ZFPM2: variants seen among roughly 807,000 people sequenced by gnomAD.
ZFPM2 encodes zinc finger protein ZFPM2.
A neutral mutation model predicts 98.6 loss-of-function variants in ZFPM2; 20 were observed. The ratio of observed to expected loss-of-function variants is 0.20; its 90% CI spans 0.14 to 0.29. The LOEUF is 0.29. ZFPM2 is among the 10% of genes least tolerant of loss of function. ZFPM2 has a pLI of 1.00. For missense variants in ZFPM2, 1,310 were observed against 1,388.6 expected, an observed-to-expected ratio of 0.94 and a Z score of 0.90; for synonymous variants, 518 against 502.7, an observed-to-expected ratio of 1.03 and a Z score of -0.41.
chr8:105,429,092 G>A (rs1586365525), intron 2 of ZFPM2, among the ~76,000 whole-genome samples: 1 of 152,090 alleles, frequency 6.6e-6, no homozygotes, highest in East Asian at 1.9e-4. Flanking sequence ...TATCAAGCTG[G>A]AAATCTATCA....
intron 5 of ZFPM2, among the ~76,000 whole-genome samples, chr8:105,651,856 A>T (rs890248012): frequency 6.6e-6 from 1 of 152,210 alleles, no homozygotes; most frequent in Admixed American, 6.5e-5. Flanking sequence ...TGTGGAAATC[A>T]TTTGAAAATC....
intron 3 of ZFPM2, among the ~76,000 whole-genome samples, chr8:105,464,470 G>A (rs1306607404): frequency 2.0e-5 from 3 of 151,908 alleles, no homozygotes; most frequent in Non-Finnish European, 2.9e-5. Context: ...ATTTTTTACA[G>A]TTTTCAATTT....
chr8:105,676,617 A>G (rs1217603878), intron 5 of ZFPM2, among the ~76,000 whole-genome samples: 1 of 152,192 alleles, frequency 6.6e-6, no homozygotes, highest in Non-Finnish European at 1.5e-5. Context: ...TTATATTTTT[A>G]TATTCTGATA....
intron 3 of ZFPM2, among the ~76,000 whole-genome samples, chr8:105,510,318 A>T (rs1001448150): frequency 1.3e-5 from 2 of 152,158 alleles, no homozygotes; most frequent in African/African-American, 4.8e-5. Context: ...AAAAGCAAGA[A>T]CAACTTTATT....
intron 3 of ZFPM2, 104 bp downstream of exon 3, chr8:105,444,485 T>C (rs1244927352): frequency 1.2e-5 from 9 of 722,192 alleles, no homozygotes; most frequent in Non-Finnish European, 2.0e-5. Flanking sequence ...TGTTTTTGTG[T>C]GTGCTGGTTA....
intron 4 of ZFPM2, among the ~76,000 whole-genome samples, chr8:105,618,489 T>C (rs533855885): frequency 1.3e-5 from 2 of 152,286 alleles, no homozygotes; most frequent in South Asian, 4.1e-4. Context: ...TAATAAAATC[T>C]TATAGATCAT....
intron 1 of ZFPM2, among the ~76,000 whole-genome samples, chr8:105,363,257 G>A (rs576280173): frequency 6.6e-6 from 1 of 151,924 alleles, no homozygotes; most frequent in Non-Finnish European, 1.5e-5. Context: ...TTTCTCTGTG[G>A]CTTGCTAAAT....
At chr8:105,722,995 A>G (rs1811705198) in intron 5 of ZFPM2, among the ~76,000 whole-genome samples, 1 of 151,852 alleles carries the variant, frequency 6.6e-6, no homozygotes, top group South Asian at 2.1e-4. Context: ...CAGATTATCT[A>G]ATGTTAATCT....
chr8:105,522,761 A>G (rs2130553700), intron 3 of ZFPM2, among the ~76,000 whole-genome samples: 1 of 151,972 alleles, frequency 6.6e-6, no homozygotes, highest in South Asian at 2.1e-4. Flanking sequence ...AAAAAAAAAA[A>G]GAATATATAT....
At chr8:105,467,777 A>G (rs547395939) in intron 3 of ZFPM2, among the ~76,000 whole-genome samples, 17 of 152,076 alleles carry the variant, frequency 1.1e-4, no homozygotes, top group African/African-American at 3.9e-4. Flanking sequence ...CATAATAAAA[A>G]AGAGTGTTCC....
intron 1 of ZFPM2, among the ~76,000 whole-genome samples, chr8:105,350,393 A>C (rs1047473329): frequency 1.3e-5 from 2 of 152,204 alleles, no homozygotes; most frequent in African/African-American, 4.8e-5. Flanking sequence ...GTTAAATAAG[A>C]GACAGAAAAT....
intron 4 of ZFPM2, among the ~76,000 whole-genome samples, chr8:105,582,055 G>A (rs1209397742): frequency 2.6e-5 from 4 of 152,306 alleles, no homozygotes; most frequent in Admixed American, 2.0e-4. Flanking sequence ...TAATAGTAAA[G>A]TTAGTGTGAG....
intron 2 of ZFPM2, among the ~76,000 whole-genome samples, chr8:105,440,240 T>A (rs1240600320): frequency 6.6e-6 from 1 of 152,222 alleles, no homozygotes; most frequent in Non-Finnish European, 1.5e-5. Flanking sequence ...ATTATCTGTA[T>A]TTTTGTTGAA....
At chr8:105,752,731 C>A (rs1205783744) in intron 5 of ZFPM2, among the ~76,000 whole-genome samples, 2 of 152,096 alleles carry the variant, frequency 1.3e-5, no homozygotes, top group African/African-American at 4.8e-5. Flanking sequence ...CTCTTCAATT[C>A]ATATGGTTGC....
At chr8:105,512,603 A>T (rs1481789715) in intron 3 of ZFPM2, among the ~76,000 whole-genome samples, 1 of 152,194 alleles carries the variant, frequency 6.6e-6, no homozygotes. Flanking sequence ...TGGACTCCAG[A>T]AGTTTTATTT....
At chr8:105,404,371 CTT>C (rs1047845249) in intron 1 of ZFPM2, among the ~76,000 whole-genome samples, 1 of 151,854 alleles carries the variant, frequency 6.6e-6, no homozygotes, top group Non-Finnish European at 1.5e-5. Flanking sequence ...CTTTTTCCCT[CTT>C]TGTTTGAGAT....
In ZFPM2 at chr8:105,332,420, A is replaced by T. The variant is rs188057088; in HGVS notation, c.40+13439A>T. Among the ~76,000 whole-genome samples the T allele has an allele frequency of 8.0e-4, 122 of 151,834 alleles. 3 individuals are homozygous for T. The Middle Eastern group carries it at 0.044, about 55-fold the overall frequency. ...TAGTAGATTAATGAATGAATGAAAAATTTTTTTAAAAACCCACATAATTTC... is the reference window on the plus strand; with the variant it reads ...TAGTAGATTAATGAATGAATGAAAATTTTTTTTAAAAACCCACATAATTTC... On this transcript the variant is annotated intron_variant, in intron 1 of 7. Coordinates refer to ENST00000407775, the MANE Select transcript of ZFPM2 (RefSeq NM_012082.4).
At chr8:105,337,262 A>G (rs1359869001) in intron 1 of ZFPM2, among the ~76,000 whole-genome samples, 1 of 151,772 alleles carries the variant, frequency 6.6e-6, no homozygotes. Flanking sequence ...GCAAGACAAC[A>G]ATAGTTTCAC....
chr8:105,514,551 G>T (rs377399253), intron 3 of ZFPM2, among the ~76,000 whole-genome samples: 2 of 152,082 alleles, frequency 1.3e-5, no homozygotes, highest in South Asian at 4.1e-4. Context: ...AGCTCTGTTG[G>T]TTTTTGTGAG....
Sources: gnomAD v4.1 joint callset for allele counts (sites outside exome capture counted in the v4.1 genomes callset) on GRCh38, gnomAD v4.1.1 for gene constraint, MANE v1.5 for transcripts, NCBI Gene and HGNC (gene_info 2026-07-23, HGNC 2026-07-21) for gene names.